CORO2B: variants seen among roughly 807,000 people sequenced by gnomAD.
The protein encoded by CORO2B is coronin-2B.
Under a neutral mutation model 58.8 loss-of-function variants are expected in CORO2B, and 26 were observed. The observed-to-expected ratio is 0.44, with a 90% CI of 0.32 to 0.61. The LOEUF (loss-of-function observed/expected upper bound fraction) is 0.61. CORO2B is among the 20% of genes least tolerant of loss of function. CORO2B has a pLI of 0.04. For missense variants in CORO2B, 460 were observed against 645.1 expected (o/e 0.71, Z 3.11); for synonymous variants, 242 against 253.8 (o/e 0.95, Z 0.44).
At chr15:68,531,203 T>G in the CORO2B span, among the ~76,000 whole-genome samples, 1 of 152,076 alleles carries the variant, frequency 6.6e-6, no homozygotes, top group Admixed American at 6.6e-5. Context: ...AAATAAGGCC[T>G]GGTGTGCTGG....
the CORO2B span, among the ~76,000 whole-genome samples, chr15:68,548,260 C>A: frequency 6.6e-6 from 1 of 151,370 alleles, no homozygotes; most frequent in Non-Finnish European, 1.5e-5. Flanking sequence ...CTTTTAAATT[C>A]TGTACACTAT....
the CORO2B span, among the ~76,000 whole-genome samples, chr15:68,572,910 G>C: frequency 1.5e-3 from 233 of 152,276 alleles, no homozygotes; most frequent in Middle Eastern, 0.02. Context: ...GCTGCCCTGG[G>C]GTTTCCTCAC....
chr15:68,721,002 C>T (rs1182197943), intron 11 of CORO2B, among the ~76,000 whole-genome samples: 4 of 152,152 alleles, frequency 2.6e-5, no homozygotes, highest in Non-Finnish European at 4.4e-5. Flanking sequence ...CTGCCCTAGC[C>T]TCCCAAGTAG....
At chr15:68,690,956 G>A (rs904950009) in intron 2 of CORO2B, among the ~76,000 whole-genome samples, 2 of 151,518 alleles carry the variant, frequency 1.3e-5, no homozygotes, top group African/African-American at 4.8e-5. Flanking sequence ...ACTGTGCCTA[G>A]CCTACATTAG....
chr15:68,638,786 TG>T (rs770836897), intron 1 of CORO2B, among the ~76,000 whole-genome samples: 8 of 152,192 alleles, frequency 5.3e-5, no homozygotes, highest in Non-Finnish European at 8.8e-5. Context: ...TAAATGGGAT[TG>T]TAGCACCTGC....
intron 1 of CORO2B, among the ~76,000 whole-genome samples, chr15:68,636,018 C>G (rs923303140): frequency 3.3e-5 from 5 of 152,206 alleles, no homozygotes; most frequent in Non-Finnish European, 1.5e-5. Context: ...GGTGACAGCT[C>G]TGAATCAGAT....
At chr15:68,681,020 C>T (rs1000407987) in intron 2 of CORO2B, among the ~76,000 whole-genome samples, 5 of 152,130 alleles carry the variant, frequency 3.3e-5, no homozygotes, top group African/African-American at 1.2e-4. Flanking sequence ...TCTAGACCAG[C>T]CTGGCCAACA....
chr15:68,704,991 G>A (rs1300587699), intron 3 of CORO2B, among the ~76,000 whole-genome samples: 2 of 152,020 alleles, frequency 1.3e-5, no homozygotes, highest in African/African-American at 2.4e-5. Flanking sequence ...CAAATCCCTC[G>A]AATACTAAGG....
At chr15:68,719,886 C>T (rs1033928172) in intron 11 of CORO2B, among the ~76,000 whole-genome samples, 4 of 152,230 alleles carry the variant, frequency 2.6e-5, no homozygotes, top group Admixed American at 2.0e-4. Flanking sequence ...AGCCCGGCCT[C>T]GTGTATCACA....
chr15:68,698,600 C>T (rs1316494025), intron 3 of CORO2B, among the ~76,000 whole-genome samples: 1 of 152,176 alleles, frequency 6.6e-6, no homozygotes, highest in Admixed American at 6.5e-5. Context: ...CTTGCACCAC[C>T]CTGGCTGCTG....
intron 1 of CORO2B, among the ~76,000 whole-genome samples, chr15:68,627,805 T>A (rs12898784): frequency 2.0e-5 from 3 of 151,904 alleles, no homozygotes; most frequent in African/African-American, 7.3e-5. Context: ...CTCAGGCTTA[T>A]GGGTACAGCC....
At chr15:68,610,343 A>C (rs1900218792) in intron 1 of CORO2B, among the ~76,000 whole-genome samples, 2 of 152,164 alleles carry the variant, frequency 1.3e-5, no homozygotes, top group African/African-American at 4.8e-5. Flanking sequence ...CTCAAGGCCT[A>C]GTGAAGGGCT....
At chr15:68,582,544 T>C (rs1210722211) in intron 1 of CORO2B, among the ~76,000 whole-genome samples, 1 of 152,246 alleles carries the variant, frequency 6.6e-6, no homozygotes, top group Admixed American at 6.5e-5. Context: ...CTTGTTCTGT[T>C]CCATCTCAGT....
rs1299012411 is a variant in CORO2B, at chr15:68,719,068, A to G, written c.1081-76A>G. 4.2e-6 allele frequency: 5 copies of G among 1,180,090 alleles called. No homozygotes were observed. In the Admixed American group the frequency reaches 6.7e-5, roughly 16 times the overall value. The allele number at this position is 1,180,090 out of a possible 1,614,324, so 73.1% of individuals were successfully genotyped here. A position where few individuals can be genotyped will look rare whatever the true frequency, so the allele number is the denominator to read the frequency against. On this transcript the variant is annotated intron_variant, in intron 9 of 11. Transcript: ENST00000261861. ...CAGGTAGAGTGACTGGAGATCAGTA[A>G]GAAGAGTCTGACTGAAGAGTAGGGG...
At chr15:68,708,599 T>C (rs1050229487) in intron 3 of CORO2B, among the ~76,000 whole-genome samples, 2 of 152,036 alleles carry the variant, frequency 1.3e-5, no homozygotes, top group Admixed American at 6.5e-5. Context: ...CCTGACCTCG[T>C]GATCCGCCCA....
At chr15:68,549,032 C>T in the CORO2B span, among the ~76,000 whole-genome samples, 1 of 151,888 alleles carries the variant, frequency 6.6e-6, no homozygotes, top group South Asian at 2.1e-4. Context: ...TCCTCTTTCC[C>T]AAACCATAAA....
chr15:68,662,055 G>A (rs1240696980), intron 2 of CORO2B, among the ~76,000 whole-genome samples: 2 of 151,948 alleles, frequency 1.3e-5, no homozygotes, highest in African/African-American at 4.8e-5. Flanking sequence ...AATCTGTTTA[G>A]GCAGATGTCC....
chr15:68,650,711 C>G (rs1269647522), intron 2 of CORO2B, among the ~76,000 whole-genome samples: 2 of 152,214 alleles, frequency 1.3e-5, no homozygotes, highest in Admixed American at 1.3e-4. Context: ...CATGAGTGCT[C>G]TTTAATTTTC....
intron 1 of CORO2B, among the ~76,000 whole-genome samples, chr15:68,601,849 AG>A (rs1899991644): frequency 6.6e-6 from 1 of 152,182 alleles, no homozygotes; most frequent in African/African-American, 2.4e-5. Context: ...TATAAAGAAC[AG>A]AAATTGATTT....
Sources: gnomAD v4.1 joint callset for allele counts (sites outside exome capture counted in the v4.1 genomes callset) on GRCh38, gnomAD v4.1.1 for gene constraint, MANE v1.5 for transcripts, NCBI Gene and HGNC (gene_info 2026-07-23, HGNC 2026-07-21) for gene names.